GRID1: variants seen among roughly 807,000 people sequenced by gnomAD.
GRID1 encodes the protein glutamate ionotropic receptor delta type subunit 1.
Under a neutral mutation model 98.0 loss-of-function variants are expected in GRID1, and 28 were observed. The ratio of observed to expected loss-of-function variants is 0.29; its 90% CI spans 0.21 to 0.39. GRID1 has a LOEUF of 0.39. Among genes scored for constraint, GRID1 ranks in the 10% least tolerant of loss-of-function variants. GRID1 has a pLI of 1.00. For synonymous variants in GRID1, 553 were observed against 538.5 expected, an observed-to-expected ratio of 1.03 and a Z score of -0.37; for missense variants, 1,111 against 1,340.5, an observed-to-expected ratio of 0.83 and a Z score of 2.67.
intron 3 of GRID1, among the ~76,000 whole-genome samples, chr10:86,186,790 T>C (rs1845730985): frequency 6.6e-6 from 1 of 152,260 alleles, no homozygotes. Context: ...CATCACTTCC[T>C]TGGGTGACAA....
intron 4 of GRID1, among the ~76,000 whole-genome samples, chr10:85,920,631 G>A (rs1461217780): frequency 6.6e-6 from 1 of 152,220 alleles, no homozygotes; most frequent in Non-Finnish European, 1.5e-5. Context: ...TCCCCTTCAA[G>A]GCAGCAGGAC....
intron 8 of GRID1, among the ~76,000 whole-genome samples, chr10:85,771,811 G>A (rs1842271809): frequency 6.6e-6 from 1 of 152,154 alleles, no homozygotes; most frequent in Non-Finnish European, 1.5e-5. Flanking sequence ...GGAGTACCCA[G>A]ATTCATAAAG....
chr10:86,167,300 G>A (rs1845414315), intron 3 of GRID1, among the ~76,000 whole-genome samples: 1 of 152,258 alleles, frequency 6.6e-6, no homozygotes, highest in Admixed American at 6.5e-5. Context: ...GGGAGAAGGG[G>A]CCACAGAGGA....
At chr10:85,891,890 C>T (rs371205684) in intron 5 of GRID1, among the ~76,000 whole-genome samples, 1 of 151,762 alleles carries the variant, frequency 6.6e-6, no homozygotes. Flanking sequence ...TGTCAATATC[C>T]TCAATCAATC....
At chr10:85,913,955 G>A (rs540209073) in intron 5 of GRID1, among the ~76,000 whole-genome samples, 2 of 152,276 alleles carry the variant, frequency 1.3e-5, no homozygotes, top group East Asian at 1.9e-4. Flanking sequence ...GTGCACTGCC[G>A]GGCTGGCACA....
intron 12 of GRID1, among the ~76,000 whole-genome samples, chr10:85,652,846 C>T (rs1028934635): frequency 6.6e-6 from 1 of 152,144 alleles, no homozygotes; most frequent in African/African-American, 2.4e-5. Flanking sequence ...TTCAAAAAAC[C>T]CTATTTCCTG....
At chr10:85,681,589 C>A (rs556549311) in intron 12 of GRID1, among the ~76,000 whole-genome samples, 13 of 152,078 alleles carry the variant, frequency 8.5e-5, no homozygotes, top group Non-Finnish European at 1.8e-4. Context: ...TGCCTCTTAA[C>A]CTGGAATGCT....
At chr10:86,262,612 C>T (rs1022974068) in intron 2 of GRID1, among the ~76,000 whole-genome samples, 21 of 152,184 alleles carry the variant, frequency 1.4e-4, no homozygotes, top group African/African-American at 4.8e-4. Context: ...TGGACCACAG[C>T]CCTGTTAGGA....
chr10:85,682,120 G>C (rs1841216599), intron 12 of GRID1, among the ~76,000 whole-genome samples: 1 of 152,142 alleles, frequency 6.6e-6, no homozygotes, highest in African/African-American at 2.4e-5. Context: ...AGGGTCCCAG[G>C]GAAGGCCTTG....
chr10:86,184,690 C>G (rs1845704641), intron 3 of GRID1, among the ~76,000 whole-genome samples: 2 of 151,720 alleles, frequency 1.3e-5, no homozygotes, highest in South Asian at 2.1e-4. Context: ...TGTTTTGAAG[C>G]TATAACTTTG....
intron 8 of GRID1, among the ~76,000 whole-genome samples, chr10:85,827,837 G>C (rs956127321): frequency 5.3e-5 from 8 of 151,964 alleles, no homozygotes; most frequent in African/African-American, 1.9e-4. Flanking sequence ...AATAATAATG[G>C]GATAGATCAA....
At position 86,270,796 on chromosome 10, in the gene GRID1, TA is replaced by T. The variant is rs1220943415; in HGVS notation, c.236-64149del. 1.1e-4 allele frequency among the ~76,000 whole-genome samples: 17 copies of T among 151,958 alleles called. No homozygotes were observed. The South Asian group carries it at 3.5e-3, about 32-fold the overall frequency. ...AGAATTTATTCATGGAATAACCAAA[TA>T]AAAAAATGAGCAAAATATATGGAGC... is the stretch of plus-strand genomic sequence containing the variant. On this transcript the variant is annotated intron_variant, in intron 2 of 15. Coordinates refer to ENST00000327946, the MANE Select transcript of GRID1 (RefSeq NM_017551.3).
intron 12 of GRID1, among the ~76,000 whole-genome samples, chr10:85,696,641 T>C (rs1231800713): frequency 6.6e-6 from 1 of 152,086 alleles, no homozygotes; most frequent in Non-Finnish European, 1.5e-5. Context: ...TTGCTAATTT[T>C]CGATGTTATT....
At chr10:86,215,245 G>A (rs1017387208) in intron 2 of GRID1, among the ~76,000 whole-genome samples, 6 of 152,232 alleles carry the variant, frequency 3.9e-5, no homozygotes, top group African/African-American at 1.2e-4. Context: ...GAGCAGAGCC[G>A]AATGGTCCTG....
chr10:85,850,725 T>C (rs1266816517), intron 8 of GRID1, among the ~76,000 whole-genome samples: 1 of 152,214 alleles, frequency 6.6e-6, no homozygotes, highest in Non-Finnish European at 1.5e-5. Flanking sequence ...CTGTGCCATA[T>C]GAGCATGCTC....
At chr10:86,184,121 C>T (rs1433416286) in intron 3 of GRID1, among the ~76,000 whole-genome samples, 1 of 152,180 alleles carries the variant, frequency 6.6e-6, no homozygotes, top group Non-Finnish European at 1.5e-5. Flanking sequence ...TTTATTATTA[C>T]TGAGTTTTAA....
chr10:86,098,444 C>T (rs535646804), intron 4 of GRID1, among the ~76,000 whole-genome samples: 2 of 152,242 alleles, frequency 1.3e-5, no homozygotes, highest in Non-Finnish European at 2.9e-5. Context: ...GCCTTAACCA[C>T]ACCCCTAACA....
At chr10:86,202,336 A>G (rs1181297993) in intron 3 of GRID1, among the ~76,000 whole-genome samples, 1 of 152,268 alleles carries the variant, frequency 6.6e-6, no homozygotes, top group Non-Finnish European at 1.5e-5. Context: ...GAAGGAGTCA[A>G]TGATATCTAA....
At chr10:85,853,815 T>C (rs1843083406) in intron 8 of GRID1, among the ~76,000 whole-genome samples, 2 of 152,218 alleles carry the variant, frequency 1.3e-5, no homozygotes, top group African/African-American at 4.8e-5. Context: ...CACTTAACTT[T>C]GGGGATCCCC....
Sources: allele counts gnomAD v4.1 joint callset (sites outside exome capture counted in the v4.1 genomes callset), GRCh38; gene constraint gnomAD v4.1.1; transcripts MANE v1.5; gene names NCBI Gene and HGNC (gene_info 2026-07-23, HGNC 2026-07-21).